Variants in FABP5 observed in about 807,000 individuals in gnomAD.
FABP5 encodes the protein fatty acid binding protein 5, also known as fatty acid-binding protein 5.
A neutral mutation model predicts 16.9 loss-of-function variants in FABP5; 7 were observed. That is an observed-to-expected ratio of 0.41 (90% confidence interval 0.24 to 0.78). The LOEUF is 0.78. Ranked by LOEUF, FABP5 falls within the 30% of genes least tolerant of loss-of-function variation. The pLI is 0.30. For missense variants in FABP5, 119 were observed against 159.5 expected (o/e 0.75, Z 1.37); for synonymous variants, 37 against 52.8 (o/e 0.70, Z 1.30).
Position 81,283,455 on chromosome 8 carries a change from G to A in FABP5, c.169G>A (p.Glu57Lys). 6.2e-7 allele frequency: 1 copy of A among 1,613,060 alleles called. No homozygotes were observed. Residue 57 changes from glutamate (E) to lysine (K), a missense_variant, in exon 2 of 4, where the codon GAG becomes AAG. Transcript: ENST00000297258. Reference protein sequence around the residue: ...CDGKNLTIKTESTLKTTQFSC... With the variant: ...CDGKNLTIKTKSTLKTTQFSC... ...TGGTAAAAACCTCACCATAAAAACT[G>A]AGAGCACTTTGAAAACAACACAGTT... is the stretch of plus-strand genomic sequence containing the variant.
At chr8:81,280,932 C>T (rs1563479491) in intron 1 of FABP5, 2 of 472,358 alleles carry the variant, frequency 4.2e-6, no homozygotes, top group East Asian at 7.6e-5. Flanking sequence ...ACCCCGTGGT[C>T]CACCTACCTC....
At chr8:81,283,293 G>T (rs1003061798) in intron 1 of FABP5, 73 bp from the exon 2 acceptor site, 15 of 1,262,950 alleles carry the variant, frequency 1.2e-5, no homozygotes, top group Non-Finnish European at 1.7e-5. Context: ...TGATTACAAT[G>T]GAATTATTGC....
rs1352976566 is a variant in FABP5 at position 81,281,910 on chromosome 8, A to C, written c.79+1236A>C. ...GAGGGTGCTTCAGAAGCCGGTATCC[A>C]CAAATGTTAACCCGGTTGCTCGCTG... On this transcript the variant is annotated intron_variant, in intron 1 of 3. Coordinates refer to ENST00000297258, the MANE Select transcript of FABP5 (RefSeq NM_001444.3). The surrounding 1 kb of genome is among the most constrained non-coding windows in gnomAD (Gnocchi z 4.5). Among the ~76,000 whole-genome samples, 1 of 152,108 alleles carries C rather than the reference A, an allele frequency of 6.6e-6. No individual in the cohort carries two copies. The highest frequency in any genetic ancestry group is 1.5e-5 in the Non-Finnish European group (1 of 68,010).
At chr8:81,282,710 T>G (rs1343363382) in intron 1 of FABP5, among the ~76,000 whole-genome samples, 1 of 152,210 alleles carries the variant, frequency 6.6e-6, no homozygotes, top group Non-Finnish European at 1.5e-5. Flanking sequence ...GGTAGGATTT[T>G]TTTTCCCATT....
Position 81,282,164 on chromosome 8 carries a change from AAC to A in FABP5, c.80-1200_80-1199del, listed in dbSNP as rs1437826853. ...GATTTACTGCACCTGTCCAATAAAT[AAC>A]AGTGTGTGTGTGTGTGTGTGTGTGT... On this transcript the variant is annotated intron_variant, in intron 1 of 3. Coordinates refer to ENST00000297258, the MANE Select transcript of FABP5 (RefSeq NM_001444.3). 5.2e-5 allele frequency among the ~76,000 whole-genome samples: 5 copies of A among 96,920 alleles called. No individual in the cohort carries two copies. In the East Asian group the frequency reaches 1.6e-3, roughly 32 times the overall value. The allele number at this position is 96,920 out of a possible 152,430, so 63.6% of individuals were successfully genotyped here. A position where few individuals can be genotyped will look rare whatever the true frequency, so the allele number is the denominator to read the frequency against.
chr8:81,281,566 A>G lies in FABP5; in HGVS notation c.79+892A>G. On this transcript the variant is annotated intron_variant, in intron 1 of 3. Transcript: ENST00000297258. The surrounding 1 kb of genome is among the most constrained non-coding windows in gnomAD (Gnocchi z 4.5). ...CAGTGGGCTTTGCTGGAAAACCGTA[A>G]CAGAAACTGCCTGGCCCTCCTGCGG... 1 of 985,748 alleles carries G rather than the reference A, an allele frequency of 1.0e-6. No individual in the cohort carries two copies. The highest frequency in any genetic ancestry group is 1.2e-6 in the Non-Finnish European group (1 of 830,202). The allele number at this position is 985,748 out of a possible 1,614,324, so 61.1% of individuals were successfully genotyped here.
chr8:81,283,020 T>C (rs1011689633), intron 1 of FABP5: 25 of 186,388 alleles, frequency 1.3e-4, no homozygotes, highest in African/African-American at 4.9e-4. Flanking sequence ...CAGCATAGCA[T>C]GGTGGCCAGA....
At chr8:81,282,811 C>G (rs1807853006) in intron 1 of FABP5, among the ~76,000 whole-genome samples, 1 of 151,966 alleles carries the variant, frequency 6.6e-6, no homozygotes, top group South Asian at 2.1e-4. Context: ...GTCTATTAAT[C>G]AAATATTTAT....
At chr8:81,284,153 T>A (rs1807876439) in intron 3 of FABP5, 179 bp downstream of exon 3, 2 of 585,488 alleles carry the variant, frequency 3.4e-6, no homozygotes, top group Non-Finnish European at 6.0e-6. Context: ...AGAAGTGACA[T>A]GACATAGGAG....
At position 81,280,562 on chromosome 8, in the gene FABP5, C is replaced by G. The variant is rs772705377; in HGVS notation, c.-34C>G. The G allele has an allele frequency of 1.3e-6, 2 of 1,545,290 alleles. No homozygotes were observed. The highest frequency in any genetic ancestry group is 4.9e-5 in the East Asian group (2 of 40,808). On this transcript the variant is annotated 5_prime_UTR_variant, in exon 1 of 4. Transcript: ENST00000297258. ...CAGCACGCTGCCACGCCGACGCAGA[C>G]CCCTCTCTGCACGCCAGCCCGCCCG...
intron 1 of FABP5, 167 bp downstream of exon 1, chr8:81,280,841 AC>A: frequency 1.6e-6 from 1 of 617,640 alleles, no homozygotes; most frequent in Non-Finnish European, 2.9e-6. Context: ...CGCGCGCAGC[AC>A]CACGCGGGCA....
chr8:81,280,697 G>A (rs1469006977), intron 1 of FABP5, 23 bp downstream of exon 1: 9 of 1,549,356 alleles, frequency 5.8e-6, no homozygotes, highest in African/African-American at 2.7e-5. Flanking sequence ...GCCTGGCAGC[G>A]CCTGCAACGT....
At chr8:81,283,999 A>G in intron 3 of FABP5, 25 bp downstream of exon 3, 1 of 1,524,140 alleles carries the variant, frequency 6.6e-7, no homozygotes, top group Non-Finnish European at 9.0e-7. Flanking sequence ...GCTGTGTCTC[A>G]GTCAGCTTCT....
Position 81,284,608 on chromosome 8 carries a change from T to C in FABP5, c.*41T>C. On this transcript the variant is annotated 3_prime_UTR_variant, in exon 4 of 4. Coordinates refer to ENST00000297258, the MANE Select transcript of FABP5 (RefSeq NM_001444.3). The stretch of plus-strand genomic sequence containing the variant: ...TTTGGACAGGAGTTAATTAAGAGAA[T>C]GACCAAGCTCAGTTCAATGAGCAAA... The C allele has an allele frequency of 8.3e-7, 1 of 1,201,110 alleles. No homozygotes were observed. Among genetic ancestry groups the C allele is most frequent in the Non-Finnish European group, 1.2e-6 (1 of 818,018 alleles). The allele number at this position is 1,201,110 out of a possible 1,614,324, so 74.4% of individuals were successfully genotyped here.
chr8:81,283,008 G>A (rs978061724), intron 1 of FABP5: 4 of 175,668 alleles, frequency 2.3e-5, no homozygotes, highest in Non-Finnish European at 3.6e-5. Flanking sequence ...CTTTCTGAAA[G>A]CCAGCATAGC....
intron 1 of FABP5, 145 bp from the exon 2 acceptor site, chr8:81,283,221 C>T (rs1384339283): frequency 3.0e-6 from 2 of 659,656 alleles, no homozygotes; most frequent in African/African-American, 1.9e-5. Context: ...TGGCTCATAC[C>T]GTGGGATATA....
At chr8:81,284,039 C>A in intron 3 of FABP5, 65 bp downstream of exon 3, 1 of 1,191,980 alleles carries the variant, frequency 8.4e-7, no homozygotes, top group Middle Eastern at 1.9e-4. Flanking sequence ...CATAACTGTT[C>A]TATATCATTG....
intron 1 of FABP5, among the ~76,000 whole-genome samples, chr8:81,282,558 C>G (rs150027840): frequency 0.011 from 1,710 of 152,096 alleles, 34 homozygotes; most frequent in African/African-American, 0.038. Flanking sequence ...TACATGTTAA[C>G]TAACTCTAAG....
Position 81,281,669 on chromosome 8 carries a change from A to T in FABP5, c.79+995A>T. On this transcript the variant is annotated intron_variant, in intron 1 of 3. Transcript: ENST00000297258. The surrounding 1 kb of genome is among the most constrained non-coding windows in gnomAD (Gnocchi z 4.5). ...AGCGTTCCGAGGGAGAATGAATCTC[A>T]GTAGTAAGATTCATTTCTCACTCAA... 1 of 984,888 alleles carries T rather than the reference A, an allele frequency of 1.0e-6. No individual in the cohort carries two copies. Among genetic ancestry groups the T allele is most frequent in the Non-Finnish European group, 1.2e-6 (1 of 829,392 alleles). The allele number at this position is 984,888 out of a possible 1,614,324, so 61.0% of individuals were successfully genotyped here. A position where few individuals can be genotyped will look rare whatever the true frequency, so the allele number is the denominator to read the frequency against.
Sources: allele counts gnomAD v4.1 joint callset (sites outside exome capture counted in the v4.1 genomes callset), GRCh38; gene constraint gnomAD v4.1.1; non-coding constraint Gnocchi (gnomAD v3.1); transcripts MANE v1.5; gene names NCBI Gene and HGNC (gene_info 2026-07-23, HGNC 2026-07-21).